The following ZNF273 variants were observed in gnomAD, a reference collection of about 807,000 sequenced individuals.
ZNF273 encodes zinc finger protein 9.
In ZNF273, 11 loss-of-function variants were observed where a neutral mutation model predicts 14.9. The ratio of observed to expected loss-of-function variants is 0.74; its 90% CI spans 0.46 to 1.22. The LOEUF (loss-of-function observed/expected upper bound fraction) is 1.22, where lower values mean the gene tolerates loss of function less well. Ranked by LOEUF, ZNF273 falls within the 50% of genes most tolerant of loss-of-function variation. The pLI, the probability that ZNF273 is intolerant of heterozygous loss-of-function variation, is 0.00. For synonymous variants in ZNF273, 199 were observed against 223.9 expected (o/e 0.89, Z 0.99); for missense variants, 577 against 660.6 (o/e 0.87, Z 1.39).
intron 1 of ZNF273, among the ~76,000 whole-genome samples, chr7:64,906,802 A>G (rs1186404750): frequency 6.6e-6 from 1 of 151,854 alleles, no homozygotes; most frequent in African/African-American, 2.4e-5. Context: ...GTTTTAAGGC[A>G]GTTTCTAGAC....
intron 1 of ZNF273, among the ~76,000 whole-genome samples, chr7:64,907,409 C>T (rs1458608030): frequency 3.9e-5 from 6 of 152,218 alleles, no homozygotes; most frequent in South Asian, 4.2e-4. Context: ...AGTTTTCCTG[C>T]GTTGTGTCTT....
chr7:64,890,239 A>AGAGAGAGAGAGAGAGAGAGAG, downstream of ZNF273: 3 of 140,342 alleles, frequency 2.1e-5, no homozygotes, highest in South Asian at 2.3e-4. Flanking sequence ...AGAGAGAGGG[A>AGAGAGAGAGAGAGAGAGAGAG]ATTCTCCCAT....
upstream of ZNF273, among the ~76,000 whole-genome samples, chr7:64,901,396 G>A (rs1293598159): frequency 1.3e-5 from 2 of 152,168 alleles, no homozygotes; most frequent in African/African-American, 2.4e-5. Context: ...CTATGCCACC[G>A]GAATGGTGCA....
downstream of ZNF273, chr7:64,888,914 C>T: frequency 1.0e-6 from 1 of 983,682 alleles, no homozygotes; most frequent in Non-Finnish European, 1.2e-6. Context: ...TCCAAGTCAC[C>T]CTGCAAGAGA....
chr7:64,891,476 C>A (rs73699910), downstream of ZNF273, among the ~76,000 whole-genome samples: 4,970 of 152,282 alleles, frequency 0.033, 269 homozygotes, highest in African/African-American at 0.11. Flanking sequence ...GCATCTGGCC[C>A]AGTTTTTCTG....
downstream of ZNF273, among the ~76,000 whole-genome samples, chr7:64,883,944 G>C (rs1191598097): frequency 6.6e-6 from 1 of 152,156 alleles, no homozygotes; most frequent in Non-Finnish European, 1.5e-5. Context: ...TGATACTTTT[G>C]GAACAGTAAA....
intron 1 of ZNF273, chr7:64,888,473 C>T (rs1357305211): frequency 1.0e-6 from 1 of 985,808 alleles, no homozygotes. Context: ...CAGGTGGCTT[C>T]CTCCTCTGTC....
intron 1 of ZNF273, among the ~76,000 whole-genome samples, chr7:64,914,575 G>A (rs185767394): frequency 1.3e-5 from 2 of 152,252 alleles, no homozygotes; most frequent in African/African-American, 4.8e-5. Flanking sequence ...TTCTGTTTGA[G>A]TTTGGTAGGA....
chr7:64,878,190 C>T (rs1444502899), intron 1 of ZNF273, among the ~76,000 whole-genome samples: 1 of 151,242 alleles, frequency 6.6e-6, no homozygotes, highest in African/African-American at 2.5e-5. Context: ...GTTTGTTTTT[C>T]CCGTGTTTCC....
At chr7:64,899,553 G>A (rs1247748023), upstream of ZNF273, among the ~76,000 whole-genome samples, 1 of 151,776 alleles carries the variant, frequency 6.6e-6, no homozygotes, top group African/African-American at 2.4e-5. Context: ...TATTTGGAAG[G>A]CTGAGGCAAG....
At chr7:64,917,474 T>C in intron 1 of ZNF273, 107 bp from the exon 2 acceptor site, 1 of 1,495,522 alleles carries the variant, frequency 6.7e-7, no homozygotes, top group Non-Finnish European at 9.0e-7. Context: ...GTCACTCCTA[T>C]AAGTAAAAAC....
At chr7:64,931,722 A>T (rs1193571661), downstream of ZNF273, among the ~76,000 whole-genome samples, 1 of 152,190 alleles carries the variant, frequency 6.6e-6, no homozygotes, top group Non-Finnish European at 1.5e-5. Flanking sequence ...ATATAAACAT[A>T]GCAGACAAAC....
chr7:64,912,846 T>TTTTTTTTTTTTTTG lies in ZNF273; in HGVS notation c.103-4735_103-4734insTTTTTTTTTTTTTG, dbSNP rs1562959220. Among the ~76,000 whole-genome samples, 100 of 98,264 alleles carry TTTTTTTTTTTTTTG rather than the reference T, an allele frequency of 1.0e-3. 15 individuals are homozygous for TTTTTTTTTTTTTTG. Among genetic ancestry groups the TTTTTTTTTTTTTTG allele is most frequent in the Non-Finnish European group, 2.0e-3 (78 of 39,248 alleles). The allele number at this position is 98,264 out of a possible 152,430, so 64.5% of individuals were successfully genotyped here. On this transcript the variant is annotated intron_variant, in intron 1 of 3. Transcript: ENST00000476120. The stretch of plus-strand genomic sequence containing the variant: ...TTTTAGTTTTTTTTTTTTTTTTTTT[T>TTTTTTTTTTTTTTG]GAGATTGAGTTTCGCTCTGTCATCC...
chr7:64,917,389 C>G (rs1489097024), intron 1 of ZNF273, among the ~76,000 whole-genome samples, 192 bp from the exon 2 acceptor site: 2 of 152,180 alleles, frequency 1.3e-5, no homozygotes, highest in Non-Finnish European at 2.9e-5. Flanking sequence ...GGATCTTATG[C>G]TACTCTTTTC....
At chr7:64,893,748 T>C (rs932649404), downstream of ZNF273, 19 of 135,914 alleles carry the variant, frequency 1.4e-4, no homozygotes, top group Non-Finnish European at 6.2e-5. Flanking sequence ...CACAAAACAG[T>C]CACAGAGAGA....
In ZNF273 at chr7:64,928,442, A is replaced by G; in HGVS notation, c.1114A>G (p.Lys372Glu). 1 of 1,613,750 alleles carries G rather than the reference A, an allele frequency of 6.2e-7. No homozygotes were observed. The highest frequency in any genetic ancestry group is 8.5e-7 in the Non-Finnish European group (1 of 1,179,948). Residue 372 changes from lysine (K) to glutamate (E), a missense_variant, in exon 4 of 4, where the codon AAA (lysine) becomes GAA (glutamate). Transcript: ENST00000476120. ...TKHKRIHTGEKPYKCEECGKA... is the reference protein window; with the variant it reads ...TKHKRIHTGEEPYKCEECGKA... ...ACATAAGAGAATTCATACTGGAGAG[A>G]AACCCTACAAATGTGAAGAATGTGG...
At chr7:64,909,501 T>G (rs1455314810) in intron 1 of ZNF273, among the ~76,000 whole-genome samples, 1 of 152,136 alleles carries the variant, frequency 6.6e-6, no homozygotes, top group Non-Finnish European at 1.5e-5. Context: ...AGTGCTGGGA[T>G]TATAGGTGTG....
Position 64,929,305 on chromosome 7 carries a change from AGAGT to A in ZNF273, c.*268_*271del, listed in dbSNP as rs1794919661. 2 of 239,582 alleles carry A rather than the reference AGAGT, an allele frequency of 8.3e-6. No homozygotes were observed. The highest frequency in any genetic ancestry group is 1.6e-5 in the Non-Finnish European group (2 of 125,074). 14.8% of individuals were successfully genotyped at this position (239,582 alleles called of 1,614,324 possible). The stretch of plus-strand genomic sequence containing the variant: ...ACAATATAAGCCTGCAAAGTGCAGC[AGAGT>A]ATTTATTTTGAAGAGAAACATTAAA... On this transcript the variant is annotated 3_prime_UTR_variant, in exon 4 of 4. Transcript: ENST00000476120.
intron 1 of ZNF273, among the ~76,000 whole-genome samples, chr7:64,911,653 GTTTAT>G (rs1188342306): frequency 7.3e-5 from 11 of 151,690 alleles, no homozygotes; most frequent in East Asian, 1.9e-4. Flanking sequence ...CTCGCTATTG[GTTTAT>G]TTTATTAATT....
Sources: allele counts gnomAD v4.1 joint callset (sites outside exome capture counted in the v4.1 genomes callset), GRCh38; gene constraint gnomAD v4.1.1; transcripts MANE v1.5; gene names NCBI Gene and HGNC (gene_info 2026-07-23, HGNC 2026-07-21).